IQCK: variants seen among roughly 807,000 people sequenced by gnomAD.
IQCK encodes IQ domain-containing protein K.
A neutral mutation model predicts 28.1 loss-of-function variants in IQCK; 29 were observed. The observed-to-expected ratio is 1.03, with a 90% CI of 0.77 to 1.41. The LOEUF (loss-of-function observed/expected upper bound fraction) is 1.41. IQCK is among the 40% of genes most tolerant of loss of function. The probability of loss-of-function intolerance (pLI) is 0.00; values close to 1 mark genes in which losing one functional copy is unlikely to be tolerated. For missense variants in IQCK, 359 were observed against 314.7 expected, an observed-to-expected ratio of 1.14 and a Z score of -1.07; for synonymous variants, 113 against 115.1, an observed-to-expected ratio of 0.98 and a Z score of 0.12.
At chr16:19,764,053 A>G (rs1005956930) in exon 6 of IQCK, 4 of 1,613,970 alleles carry the variant, frequency 2.5e-6, no homozygotes, top group Non-Finnish European at 3.4e-6. Flanking sequence ...CAAAGAGGGC[A>G]GGGGAGCCAT....
intron 3 of IQCK, 159 bp downstream of exon 3, chr16:19,733,986 T>C (rs1021821315): frequency 6.5e-6 from 4 of 618,662 alleles, no homozygotes; most frequent in Non-Finnish European, 1.1e-5. Flanking sequence ...TTTATTTCAC[T>C]GATTTATCTT....
chr16:19,833,919 C>T (rs1405659942), intron 9 of IQCK, among the ~76,000 whole-genome samples: 3 of 151,856 alleles, frequency 2.0e-5, no homozygotes, highest in Non-Finnish European at 2.9e-5. Flanking sequence ...AATGAGACCC[C>T]GTCTCTACAA....
At chr16:19,849,933 GGT>G (rs1041155821) in intron 9 of IQCK, among the ~76,000 whole-genome samples, 14 of 152,148 alleles carry the variant, frequency 9.2e-5, no homozygotes, top group African/African-American at 2.4e-4. Flanking sequence ...TGATTAACTT[GGT>G]ATTGAACAAT....
intron 4 of IQCK, among the ~76,000 whole-genome samples, chr16:19,737,507 A>G (rs765552070): frequency 1.3e-5 from 2 of 152,154 alleles, no homozygotes; most frequent in East Asian, 1.9e-4. Context: ...AGGCGTCACC[A>G]TGACAGTTGT....
intron 4 of IQCK, among the ~76,000 whole-genome samples, chr16:19,742,893 A>G (rs2054856863): frequency 6.6e-6 from 1 of 152,170 alleles, no homozygotes; most frequent in African/African-American, 2.4e-5. Context: ...GGCTGGCCAG[A>G]TGCAGTGGCT....
At chr16:19,781,687 A>C (rs894971193) in intron 6 of IQCK, among the ~76,000 whole-genome samples, 1 of 152,190 alleles carries the variant, frequency 6.6e-6, no homozygotes, top group African/African-American at 2.4e-5. Flanking sequence ...TAAGTTTGTA[A>C]GCCAATAATG....
chr16:19,775,635 CAAAAAGACTGTTGTA>C, intron 6 of IQCK, among the ~76,000 whole-genome samples: 1 of 152,236 alleles, frequency 6.6e-6, no homozygotes, highest in Admixed American at 6.5e-5. Flanking sequence ...TTCTTGCTCA[CAAAAAGACTGTTGTA>C]GGTTGGACAG....
chr16:19,720,793 G>A (rs1030918997), intron 1 of IQCK, among the ~76,000 whole-genome samples: 7 of 152,190 alleles, frequency 4.6e-5, no homozygotes, highest in Admixed American at 4.6e-4. Context: ...AAGGCGGGTG[G>A]ATCACCTGCG....
chr16:19,773,044 T>C (rs1213943169), intron 6 of IQCK, among the ~76,000 whole-genome samples: 1 of 152,014 alleles, frequency 6.6e-6, no homozygotes, highest in Non-Finnish European at 1.5e-5. Flanking sequence ...ATGAGATTGT[T>C]CAAAGCTCCT....
rs1331880454 is a variant in IQCK, at chr16:19,736,541, C to T, written c.474+1091C>T. On this transcript the variant is annotated intron_variant, in intron 4 of 7. Transcript: ENST00000564186. ...ACGCGGATACCCTTAGAGGCTCCCTCTTTTCCGTAGTTCACGGGATACTTT... is the reference window on the plus strand; with the variant it reads ...ACGCGGATACCCTTAGAGGCTCCCTTTTTTCCGTAGTTCACGGGATACTTT... Among the ~76,000 whole-genome samples, 7 of 152,332 alleles carry T rather than the reference C, an allele frequency of 4.6e-5. No individual in the cohort carries two copies. The East Asian group carries it at 1.2e-3, about 25-fold the overall frequency.
rs76339067 is a variant in IQCK, at chr16:19,772,695, T to G, written c.605+8583T>G. 4.1e-4 allele frequency among the ~76,000 whole-genome samples: 62 copies of G among 152,274 alleles called. 1 individual carries two copies. In the East Asian group the frequency reaches 0.012, roughly 29 times the overall value. ...TCTACTTTTGTATAGCTTTTAAAATTTCCATAACAAAAATTTTTTTAAATG... is the reference window on the plus strand; with the variant it reads ...TCTACTTTTGTATAGCTTTTAAAATGTCCATAACAAAAATTTTTTTAAATG... On this transcript the variant is annotated intron_variant, in intron 6 of 7. Coordinates refer to ENST00000564186, the Ensembl canonical transcript of IQCK.
At chr16:19,802,319 G>A (rs147236655) in intron 7 of IQCK, among the ~76,000 whole-genome samples, 33 of 19,018 alleles carry the variant, frequency 1.7e-3, no homozygotes, top group African/African-American at 9.5e-3. Flanking sequence ...CTTTGGTGAC[G>A]ACTTTGAGCA....
At chr16:19,773,928 C>T (rs899182523) in intron 6 of IQCK, among the ~76,000 whole-genome samples, 2 of 152,214 alleles carry the variant, frequency 1.3e-5, no homozygotes, top group East Asian at 3.8e-4. Flanking sequence ...TGTGACCTTT[C>T]TGTTGGGTGA....
At chr16:19,737,728 G>T (rs945576204) in intron 4 of IQCK, among the ~76,000 whole-genome samples, 1 of 151,606 alleles carries the variant, frequency 6.6e-6, no homozygotes, top group Non-Finnish European at 1.5e-5. Context: ...TTCTCCCTCC[G>T]TCTCTCCCCC....
intron 9 of IQCK, among the ~76,000 whole-genome samples, chr16:19,845,023 C>T (rs936699693): frequency 2.0e-5 from 3 of 151,934 alleles, no homozygotes; most frequent in Non-Finnish European, 4.4e-5. Context: ...AGGCTGGTCT[C>T]GAACTCCTGG....
At chr16:19,840,174 G>A (rs971904745) in intron 9 of IQCK, among the ~76,000 whole-genome samples, 4 of 152,104 alleles carry the variant, frequency 2.6e-5, no homozygotes, top group Non-Finnish European at 5.9e-5. Context: ...TGGGCAACAT[G>A]GTGAAACCCT....
At chr16:19,823,105 T>C (rs2056098394) in intron 7 of IQCK, among the ~76,000 whole-genome samples, 1 of 152,044 alleles carries the variant, frequency 6.6e-6, no homozygotes, top group South Asian at 2.1e-4. Context: ...GATGTGTGGG[T>C]AACTCGAGCA....
At chr16:19,830,495 C>T (rs1274766319), downstream of IQCK, among the ~76,000 whole-genome samples, 3 of 152,138 alleles carry the variant, frequency 2.0e-5, no homozygotes, top group Non-Finnish European at 4.4e-5. Flanking sequence ...AGGAGTGAGC[C>T]GTGCTTTCCA....
chr16:19,740,829 C>T (rs984227274), intron 4 of IQCK, among the ~76,000 whole-genome samples: 1 of 151,574 alleles, frequency 6.6e-6, no homozygotes, highest in East Asian at 2.0e-4. Context: ...ATTAGCCGGG[C>T]GTGGTGGCAG....
Sources: allele counts gnomAD v4.1 joint callset (sites outside exome capture counted in the v4.1 genomes callset), GRCh38; gene constraint gnomAD v4.1.1; transcripts MANE v1.5; gene names NCBI Gene and HGNC (gene_info 2026-07-23, HGNC 2026-07-21).